Variants in LARGE1 observed in about 807,000 individuals in gnomAD.
The protein encoded by LARGE1 is LARGE xylosyl- and glucuronyltransferase 1, also known as xylosyl- and glucuronyltransferase LARGE1.
Under a neutral mutation model 87.6 loss-of-function variants are expected in LARGE1, and 43 were observed. The observed-to-expected ratio is 0.49, with a 90% confidence interval of 0.38 to 0.63. The LOEUF (loss-of-function observed/expected upper bound fraction) is 0.63. Among genes scored for constraint, LARGE1 ranks in the 30% least tolerant of loss-of-function variants. The pLI, the probability that LARGE1 is intolerant of heterozygous loss-of-function variation, is 0.00. For synonymous variants in LARGE1, 434 were observed against 394.6 expected, an observed-to-expected ratio of 1.10 and a Z score of -1.18; for missense variants, 802 against 1,000.2, an observed-to-expected ratio of 0.80 and a Z score of 2.67.
chr22:33,407,592 G>A (rs2066147837), intron 7 of LARGE1, among the ~76,000 whole-genome samples: 1 of 152,140 alleles, frequency 6.6e-6, no homozygotes, highest in African/African-American at 2.4e-5. Flanking sequence ...TGGGGTTTAT[G>A]TTTCCTTTAC....
At chr22:33,836,279 T>C (rs928743026) in intron 1 of LARGE1, among the ~76,000 whole-genome samples, 2 of 152,158 alleles carry the variant, frequency 1.3e-5, no homozygotes, top group African/African-American at 4.8e-5. Context: ...AGCTCCTATG[T>C]AATATGGGAA....
chr22:33,780,784 C>A (rs909440929), intron 1 of LARGE1, among the ~76,000 whole-genome samples: 2 of 152,200 alleles, frequency 1.3e-5, no homozygotes, highest in African/African-American at 2.4e-5. Flanking sequence ...CAGCTAAGAA[C>A]TTTTAGCTAA....
In LARGE1 at chr22:33,540,687, C is replaced by T. The variant is rs184860165; in HGVS notation, c.787+24161G>A. On this transcript the variant is annotated intron_variant, in intron 6 of 14. Transcript: ENST00000397394. ...ATTATGTAGGGAGCTTTCAAAAATA[C>T]GGCAGGCCACTGCCCATACCAGAGG... Among the ~76,000 whole-genome samples, 86 of 152,210 alleles carry T rather than the reference C, an allele frequency of 5.7e-4. 1 individual carries two copies. The highest frequency in any genetic ancestry group is 1.9e-3 in the Admixed American group (29 of 15,288).
At chr22:33,730,454 C>T (rs1166078625) in intron 2 of LARGE1, among the ~76,000 whole-genome samples, 1 of 152,194 alleles carries the variant, frequency 6.6e-6, no homozygotes, top group African/African-American at 2.4e-5. Flanking sequence ...CAAAACAACT[C>T]ATGCACGCTG....
At chr22:33,502,661 AG>A (rs2070519921) in intron 6 of LARGE1, among the ~76,000 whole-genome samples, 4 of 151,756 alleles carry the variant, frequency 2.6e-5, no homozygotes, top group Admixed American at 2.6e-4. Context: ...CTCCGCCTCC[AG>A]GGTCCACGCC....
chr22:33,128,158 C>T, the LARGE1 span, among the ~76,000 whole-genome samples: 1 of 152,168 alleles, frequency 6.6e-6, no homozygotes, highest in Non-Finnish European at 1.5e-5. Context: ...TGCTTTTACA[C>T]TGCTGGTGGG....
chr22:33,312,622 T>A (rs1935727116), intron 11 of LARGE1, among the ~76,000 whole-genome samples: 1 of 152,146 alleles, frequency 6.6e-6, no homozygotes, highest in East Asian at 1.9e-4. Flanking sequence ...TGACTCAGAA[T>A]ATTTTGCTGA....
intron 11 of LARGE1, among the ~76,000 whole-genome samples, chr22:33,206,284 G>T (rs553402383): frequency 1.1e-3 from 168 of 152,100 alleles, no homozygotes; most frequent in African/African-American, 3.7e-3. Context: ...TAGAGACGGG[G>T]TTTCACCATG....
intron 2 of LARGE1, among the ~76,000 whole-genome samples, chr22:33,749,740 T>C (rs1028529792): frequency 1.3e-5 from 2 of 152,188 alleles, no homozygotes; most frequent in Admixed American, 1.3e-4. Context: ...CTTATAAGAA[T>C]CCTGCTAGCC....
intron 6 of LARGE1, among the ~76,000 whole-genome samples, chr22:33,518,400 C>A (rs1281357287): frequency 2.6e-5 from 4 of 152,368 alleles, no homozygotes; most frequent in South Asian, 2.1e-4. Flanking sequence ...CTCACTGCAA[C>A]CTCCGCCTCC....
At chr22:33,710,338 CA>C (rs1427802586) in intron 2 of LARGE1, among the ~76,000 whole-genome samples, 1 of 152,100 alleles carries the variant, frequency 6.6e-6, no homozygotes, top group Non-Finnish European at 1.5e-5. Context: ...ATCAAAGAAT[CA>C]AATTAAAAAT....
At chr22:33,453,553 T>A (rs945729511) in intron 6 of LARGE1, among the ~76,000 whole-genome samples, 2 of 152,198 alleles carry the variant, frequency 1.3e-5, no homozygotes, top group Admixed American at 1.3e-4. Context: ...GAGAGTCAGC[T>A]ACAGTCAGTG....
intron 11 of LARGE1, among the ~76,000 whole-genome samples, chr22:33,263,018 A>G (rs914050615): frequency 1.3e-5 from 2 of 151,600 alleles, no homozygotes; most frequent in Admixed American, 6.6e-5. Flanking sequence ...TCAGCCTCCC[A>G]AGCAGCTGCG....
chr22:33,205,586 T>G (rs1924633433), intron 11 of LARGE1, among the ~76,000 whole-genome samples: 1 of 152,182 alleles, frequency 6.6e-6, no homozygotes, highest in Non-Finnish European at 1.5e-5. Context: ...GAATTCAGTT[T>G]CACTAAAGGA....
chr22:33,765,592 C>T (rs540546224), intron 1 of LARGE1, among the ~76,000 whole-genome samples: 1 of 150,970 alleles, frequency 6.6e-6, no homozygotes, highest in South Asian at 2.1e-4. Flanking sequence ...GTAATCCCAG[C>T]TACTTGGGAG....
intron 5 of LARGE1, among the ~76,000 whole-genome samples, chr22:33,574,224 A>C (rs1370364942): frequency 6.6e-6 from 1 of 152,150 alleles, no homozygotes; most frequent in Non-Finnish European, 1.5e-5. Flanking sequence ...GTGGGTTATT[A>C]GTTACATGAC....
At chr22:33,304,848 A>C in intron 11 of LARGE1, among the ~76,000 whole-genome samples, 1 of 152,194 alleles carries the variant, frequency 6.6e-6, no homozygotes, top group East Asian at 1.9e-4. Context: ...CTCTCCACAA[A>C]GGTATAAAAA....
rs1049263405 is a variant in LARGE1, at chr22:33,465,467, G to A, written c.788-33202C>T. Among the ~76,000 whole-genome samples, 85 of 152,182 alleles carry A rather than the reference G, an allele frequency of 5.6e-4. 2 individuals are homozygous for A. Among genetic ancestry groups the A allele is most frequent in the Non-Finnish European group, 1.0e-4 (7 of 68,036 alleles). On this transcript the variant is annotated intron_variant, in intron 6 of 14. Transcript: ENST00000397394. ...AAACATTATATATGCTCCTTCCCAA[G>A]TAGAACATATGCCATAGATTTCACA...
intron 2 of LARGE1, among the ~76,000 whole-genome samples, chr22:33,696,187 A>G (rs1201877483): frequency 2.0e-5 from 3 of 152,092 alleles, no homozygotes; most frequent in Non-Finnish European, 4.4e-5. Flanking sequence ...GTCCAGCGAT[A>G]ACTACAACTG....
Sources: gnomAD v4.1 joint callset for allele counts (sites outside exome capture counted in the v4.1 genomes callset) on GRCh38, gnomAD v4.1.1 for gene constraint, MANE v1.5 for transcripts, NCBI Gene and HGNC (gene_info 2026-07-23, HGNC 2026-07-21) for gene names.